The following SLC4A10 variants were observed in gnomAD, a reference collection of about 807,000 sequenced individuals.
SLC4A10 encodes the protein sodium-driven chloride bicarbonate exchanger.
In SLC4A10, 42 loss-of-function variants were observed where a neutral mutation model predicts 137.7. The observed-to-expected ratio is 0.30, with a 90% CI of 0.24 to 0.39. The LOEUF (loss-of-function observed/expected upper bound fraction) is 0.39, where lower values mean the gene tolerates loss of function less well. Ranked by LOEUF, SLC4A10 falls within the 10% of genes least tolerant of loss-of-function variation. The probability of loss-of-function intolerance (pLI) is 1.00; values close to 1 mark genes in which losing one functional copy is unlikely to be tolerated. For synonymous variants in SLC4A10, 474 were observed against 464.1 expected (o/e 1.02, Z -0.27); for missense variants, 925 against 1,355.0 (o/e 0.68, Z 4.98).
chr2:161,750,236 C>T (rs1309210905), intron 1 of SLC4A10, among the ~76,000 whole-genome samples: 1 of 150,898 alleles, frequency 6.6e-6, no homozygotes, highest in Non-Finnish European at 1.5e-5. Flanking sequence ...TTTTTGTTTT[C>T]TCTATTGATA....
chr2:161,964,552 A>G (rs1484832291), intron 22 of SLC4A10, among the ~76,000 whole-genome samples: 2 of 152,188 alleles, frequency 1.3e-5, no homozygotes, highest in Admixed American at 1.3e-4. Context: ...TTGAAGCTGG[A>G]TGGAAAAATG....
chr2:161,836,502 GA>G (rs1433022328), intron 3 of SLC4A10, among the ~76,000 whole-genome samples: 2,537 of 114,034 alleles, frequency 0.022, 194 homozygotes, highest in African/African-American at 0.077. Flanking sequence ...AGAAAAGGAA[GA>G]AAAAGAAAGA....
chr2:161,661,468 G>A (rs374053230), intron 1 of SLC4A10, among the ~76,000 whole-genome samples: 2 of 152,138 alleles, frequency 1.3e-5, no homozygotes, highest in Non-Finnish European at 2.9e-5. Context: ...GCGAGACTGC[G>A]TCTCAAAAAA....
At chr2:161,873,399 C>T (rs1210075821) in intron 7 of SLC4A10, among the ~76,000 whole-genome samples, 9 of 151,540 alleles carry the variant, frequency 5.9e-5, no homozygotes, top group South Asian at 2.1e-4. Flanking sequence ...GGTGTGGTGG[C>T]GCGTGCCTGT....
chr2:161,646,309 A>G (rs889572675), intron 1 of SLC4A10, among the ~76,000 whole-genome samples: 3 of 151,998 alleles, frequency 2.0e-5, no homozygotes, highest in Non-Finnish European at 2.9e-5. Context: ...ATTAGAGACT[A>G]GCTAGGTATT....
At chr2:161,940,994 G>C (rs1238960017) in intron 15 of SLC4A10, among the ~76,000 whole-genome samples, 1 of 144,532 alleles carries the variant, frequency 6.9e-6, no homozygotes, top group African/African-American at 2.7e-5. Context: ...AATTTAGTTG[G>C]AGCAGACCCC....
intron 1 of SLC4A10, among the ~76,000 whole-genome samples, chr2:161,742,438 T>C (rs1206863608): frequency 8.9e-6 from 1 of 112,860 alleles, no homozygotes; most frequent in Admixed American, 8.0e-5. Flanking sequence ...TTTCTTTCTT[T>C]CTTTTTTTTT....
intron 1 of SLC4A10, chr2:161,708,734 T>C (rs942499147): frequency 6.5e-7 from 1 of 1,530,154 alleles, no homozygotes; most frequent in Non-Finnish European, 8.7e-7. Flanking sequence ...GTGATTATCT[T>C]TTGTAAGACA....
At chr2:161,875,201 A>G (rs1462280115) in intron 8 of SLC4A10, among the ~76,000 whole-genome samples, 1 of 152,206 alleles carries the variant, frequency 6.6e-6, no homozygotes, top group African/African-American at 2.4e-5. Context: ...ATCTATCACT[A>G]TGGAAACAAA....
intron 2 of SLC4A10, among the ~76,000 whole-genome samples, chr2:161,788,793 C>A (rs1434416008): frequency 1.3e-5 from 2 of 152,128 alleles, no homozygotes; most frequent in Non-Finnish European, 2.9e-5. Context: ...ACAGGTCCCA[C>A]CTTTCATGCA....
intron 11 of SLC4A10, among the ~76,000 whole-genome samples, chr2:161,897,578 A>G (rs934898272): frequency 1.3e-5 from 2 of 152,098 alleles, no homozygotes; most frequent in African/African-American, 2.4e-5. Flanking sequence ...TCATTTTTAT[A>G]TTTTCATTTT....
At chr2:161,798,270 T>C (rs2054996390) in intron 2 of SLC4A10, among the ~76,000 whole-genome samples, 1 of 151,952 alleles carries the variant, frequency 6.6e-6, no homozygotes, top group Admixed American at 6.6e-5. Flanking sequence ...GATTGACACA[T>C]CTAAATTTCT....
At chr2:161,803,626 T>C (rs2055604406) in intron 2 of SLC4A10, among the ~76,000 whole-genome samples, 1 of 152,190 alleles carries the variant, frequency 6.6e-6, no homozygotes, top group South Asian at 2.1e-4. Context: ...AGTATGTAGC[T>C]TTTAAAACCA....
chr2:161,838,057 CA>C (rs2058927485), intron 3 of SLC4A10, among the ~76,000 whole-genome samples: 1 of 152,088 alleles, frequency 6.6e-6, no homozygotes, highest in Admixed American at 6.5e-5. Context: ...GTTTATAAGC[CA>C]CTCAATCTAT....
intron 1 of SLC4A10, among the ~76,000 whole-genome samples, chr2:161,739,408 A>G (rs1332457082): frequency 6.6e-6 from 1 of 151,448 alleles, no homozygotes; most frequent in African/African-American, 2.4e-5. Flanking sequence ...TCAAACTACT[A>G]CTCTAGGAGG....
chr2:161,696,504 G>A (rs34169753), intron 1 of SLC4A10, among the ~76,000 whole-genome samples: 98,631 of 126,458 alleles, frequency 0.78, 38,255 homozygotes, highest in Middle Eastern at 0.86. Flanking sequence ...CCCTTCCTGT[G>A]TCCATGTGTT....
chr2:161,694,611 G>T (rs1449189562), intron 1 of SLC4A10, among the ~76,000 whole-genome samples: 2 of 151,950 alleles, frequency 1.3e-5, no homozygotes, highest in Admixed American at 1.3e-4. Flanking sequence ...AAACACAAGG[G>T]CATAACAAAC....
intron 2 of SLC4A10, among the ~76,000 whole-genome samples, chr2:161,777,458 T>C (rs1168081968): frequency 1.3e-5 from 2 of 151,984 alleles, no homozygotes; most frequent in African/African-American, 4.8e-5. Flanking sequence ...TGTTTTCCTA[T>C]GTTTCTGTGT....
intron 1 of SLC4A10, among the ~76,000 whole-genome samples, chr2:161,693,232 C>T (rs1306980670): frequency 6.6e-6 from 1 of 152,074 alleles, no homozygotes; most frequent in Non-Finnish European, 1.5e-5. Flanking sequence ...TTGTTCTATA[C>T]AGTTTGGGTA....
Sources: allele counts gnomAD v4.1 joint callset (sites outside exome capture counted in the v4.1 genomes callset), GRCh38; gene constraint gnomAD v4.1.1; transcripts MANE v1.5; gene names NCBI Gene and HGNC (gene_info 2026-07-23, HGNC 2026-07-21).